Variants in ATG10 observed in about 807,000 individuals in gnomAD.
ATG10 encodes autophagy related 10, also known as ubiquitin-like-conjugating enzyme ATG10.
A neutral mutation model predicts 32.1 loss-of-function variants in ATG10; 30 were observed. The ratio of observed to expected loss-of-function variants is 0.94; its 90% CI spans 0.70 to 1.27. The LOEUF (loss-of-function observed/expected upper bound fraction) is 1.27. Among genes scored for constraint, ATG10 ranks in the 50% most tolerant of loss-of-function variants. The pLI is 0.00. For missense variants in ATG10, 233 were observed against 262.3 expected (o/e 0.89, Z 0.77); for synonymous variants, 87 against 91.5 (o/e 0.95, Z 0.28).
rs1209941638 is a variant in ATG10 at position 81,993,392 on chromosome 5, T to TC, written c.108+5714_108+5715insC. ...TCTTTTCTTTTCTTTTCTTTTCTTT[T>TC]TTTTTCTTTTCTTTTCTTTTCTTTT... is the stretch of plus-strand genomic sequence containing the variant. On this transcript the variant is annotated intron_variant, in intron 2 of 7. Coordinates refer to ENST00000282185, the MANE Select transcript of ATG10 (RefSeq NM_031482.5). Among the ~76,000 whole-genome samples, 844 of 124,226 alleles carry TC rather than the reference T, an allele frequency of 6.8e-3. 87 individuals carry two copies. The highest frequency in any genetic ancestry group is 8.9e-3 in the Non-Finnish European group (546 of 61,676). The allele number at this position is 124,226 out of a possible 152,430, so 81.5% of individuals were successfully genotyped here. A position where few individuals can be genotyped will look rare whatever the true frequency, so the allele number is the denominator to read the frequency against.
chr5:82,239,782 A>G (rs913557147), intron 5 of ATG10, among the ~76,000 whole-genome samples: 1 of 152,212 alleles, frequency 6.6e-6, no homozygotes, highest in African/African-American at 2.4e-5. Flanking sequence ...CAAGTGATTA[A>G]TAATCAGAAT....
chr5:81,983,234 GAC>G (rs1491284443), intron 1 of ATG10, among the ~76,000 whole-genome samples: 2 of 107,968 alleles, frequency 1.9e-5, no homozygotes, highest in Admixed American at 8.7e-5. Context: ...GCTGGGGGCT[GAC>G]CCCCCCCCCC....
intron 5 of ATG10, among the ~76,000 whole-genome samples, chr5:82,238,330 A>C: frequency 6.6e-6 from 1 of 152,002 alleles, no homozygotes; most frequent in East Asian, 1.9e-4. Flanking sequence ...TCGCAGTCCT[A>C]TTACCACGCC....
chr5:82,104,944 T>G (rs1765398340), intron 3 of ATG10, among the ~76,000 whole-genome samples: 1 of 152,164 alleles, frequency 6.6e-6, no homozygotes, highest in South Asian at 2.1e-4. Flanking sequence ...TTGAAATAAA[T>G]GTAACATAGT....
intron 5 of ATG10, among the ~76,000 whole-genome samples, chr5:82,236,933 T>C (rs1746577095): frequency 1.3e-5 from 2 of 152,192 alleles, no homozygotes. Flanking sequence ...TCACATTTTT[T>C]TCTATGTATA....
intron 3 of ATG10, among the ~76,000 whole-genome samples, chr5:82,152,947 G>C (rs2149883301): frequency 6.6e-6 from 1 of 152,248 alleles, no homozygotes; most frequent in African/African-American, 2.4e-5. Context: ...AATATTGATT[G>C]AATGTCTACT....
chr5:82,145,558 A>T (rs1767316925), intron 3 of ATG10, among the ~76,000 whole-genome samples: 1 of 152,154 alleles, frequency 6.6e-6, no homozygotes, highest in Non-Finnish European at 1.5e-5. Context: ...CATCCTTTAT[A>T]TAATAGTTGT....
chr5:82,011,558 T>C (rs989006581), intron 2 of ATG10, among the ~76,000 whole-genome samples: 4 of 152,220 alleles, frequency 2.6e-5, no homozygotes, highest in African/African-American at 9.6e-5. Context: ...CGCAAAACTC[T>C]TGCTTAAAAA....
chr5:82,227,168 G>C (rs898573831), intron 5 of ATG10, among the ~76,000 whole-genome samples: 3 of 151,824 alleles, frequency 2.0e-5, no homozygotes, highest in Non-Finnish European at 2.9e-5. Context: ...GCTTGAGAAG[G>C]CACCTGTGGT....
At chr5:82,171,656 A>G (rs1459715509) in intron 4 of ATG10, among the ~76,000 whole-genome samples, 1 of 152,238 alleles carries the variant, frequency 6.6e-6, no homozygotes, top group African/African-American at 2.4e-5. Flanking sequence ...CTGAGAAATC[A>G]CATATCTGCT....
chr5:82,086,405 T>C (rs1266035595), intron 3 of ATG10, among the ~76,000 whole-genome samples: 1 of 152,160 alleles, frequency 6.6e-6, no homozygotes, highest in Non-Finnish European at 1.5e-5. Flanking sequence ...AGTAAATTAG[T>C]ATAGTAATAG....
chr5:82,136,313 C>A (rs1210342072), intron 3 of ATG10, among the ~76,000 whole-genome samples: 1 of 152,168 alleles, frequency 6.6e-6, no homozygotes, highest in Admixed American at 6.5e-5. Flanking sequence ...GCAGTTTCTT[C>A]ATAGTGTCGA....
chr5:82,007,279 G>A (rs1051417835), intron 2 of ATG10, among the ~76,000 whole-genome samples: 37 of 152,046 alleles, frequency 2.4e-4, no homozygotes, highest in African/African-American at 8.5e-4. Context: ...ACATAGCCTC[G>A]TTCTATTAGG....
At chr5:82,001,428 C>T (rs1188491645) in intron 2 of ATG10, among the ~76,000 whole-genome samples, 1 of 152,186 alleles carries the variant, frequency 6.6e-6, no homozygotes, top group Non-Finnish European at 1.5e-5. Context: ...ACCAAAATAG[C>T]ATGGTACTGG....
intron 2 of ATG10, among the ~76,000 whole-genome samples, chr5:82,006,922 C>T (rs1488624674): frequency 2.6e-5 from 4 of 152,092 alleles, no homozygotes; most frequent in South Asian, 2.1e-4. Flanking sequence ...GGCATGATCT[C>T]GGCTCACTGC....
chr5:82,103,638 C>T (rs1488536474), intron 3 of ATG10, among the ~76,000 whole-genome samples: 2 of 152,086 alleles, frequency 1.3e-5, no homozygotes, highest in African/African-American at 2.4e-5. Flanking sequence ...CCTTTAGAAA[C>T]CCATACTCAG....
chr5:82,130,477 G>A (rs1766474326), intron 3 of ATG10, among the ~76,000 whole-genome samples: 1 of 152,134 alleles, frequency 6.6e-6, no homozygotes, highest in Non-Finnish European at 1.5e-5. Context: ...TGGTGGTGTA[G>A]GCGCCCAAAG....
chr5:81,999,030 A>G (rs1379866790), intron 2 of ATG10, among the ~76,000 whole-genome samples: 1 of 152,062 alleles, frequency 6.6e-6, no homozygotes, highest in Non-Finnish European at 1.5e-5. Flanking sequence ...GACAAAGCAG[A>G]CCAAAAGACA....
At chr5:82,072,831 A>G (rs1006799709) in intron 3 of ATG10, among the ~76,000 whole-genome samples, 1 of 152,194 alleles carries the variant, frequency 6.6e-6, no homozygotes, top group Non-Finnish European at 1.5e-5. Context: ...AACCTGTGAT[A>G]GACTGAATCA....
Sources: gnomAD v4.1 joint callset for allele counts (sites outside exome capture counted in the v4.1 genomes callset) on GRCh38, gnomAD v4.1.1 for gene constraint, MANE v1.5 for transcripts, NCBI Gene and HGNC (gene_info 2026-07-23, HGNC 2026-07-21) for gene names.